KALRN: variants seen among roughly 807,000 people sequenced by gnomAD.
The protein encoded by KALRN is kalirin RhoGEF kinase.
In KALRN, 70 loss-of-function variants were observed where a neutral mutation model predicts 353.7. The observed-to-expected ratio is 0.20, with a 90% CI of 0.16 to 0.24. The LOEUF (loss-of-function observed/expected upper bound fraction) is 0.24. Ranked by LOEUF, KALRN falls within the 10% of genes least tolerant of loss-of-function variation. The pLI, the probability that KALRN is intolerant of heterozygous loss-of-function variation, is 1.00. For missense variants in KALRN, 2,791 were observed against 3,756.7 expected (o/e 0.74, Z 6.72); for synonymous variants, 1,391 against 1,434.8 (o/e 0.97, Z 0.69).
chr3:124,103,372 G>A (rs1321013396), intron 1 of KALRN, among the ~76,000 whole-genome samples: 1 of 152,128 alleles, frequency 6.6e-6, no homozygotes, highest in African/African-American at 2.4e-5. Flanking sequence ...CTGTTCTGTG[G>A]TGGCATACTC....
chr3:124,240,262 G>A (rs1264700328), intron 3 of KALRN, among the ~76,000 whole-genome samples: 1 of 152,178 alleles, frequency 6.6e-6, no homozygotes, highest in East Asian at 1.9e-4. Flanking sequence ...AGGATGAAGA[G>A]GCATCTTAGT....
intron 9 of KALRN, among the ~76,000 whole-genome samples, chr3:124,338,025 CTTT>C (rs1201890607): frequency 6.6e-6 from 1 of 152,114 alleles, no homozygotes; most frequent in Admixed American, 6.5e-5. Flanking sequence ...ATTCTTCTCT[CTTT>C]TTTTCTTTAT....
chr3:124,288,871 G>A (rs1481647292), intron 5 of KALRN, among the ~76,000 whole-genome samples: 2 of 152,178 alleles, frequency 1.3e-5, no homozygotes, highest in South Asian at 2.1e-4. Flanking sequence ...GAAGATGTGG[G>A]AAGGCAGGAA....
At chr3:124,449,795 A>G (rs999895003) in intron 21 of KALRN, among the ~76,000 whole-genome samples, 7 of 152,222 alleles carry the variant, frequency 4.6e-5, no homozygotes, top group African/African-American at 1.2e-4. Context: ...GAATCATACA[A>G]TATGAGATCT....
At chr3:124,332,356 G>T (rs1051651950) in intron 8 of KALRN, among the ~76,000 whole-genome samples, 2 of 152,110 alleles carry the variant, frequency 1.3e-5, no homozygotes, top group African/African-American at 4.8e-5. Flanking sequence ...ATCATCAGAG[G>T]TGTGGAGATG....
At chr3:124,561,773 C>G (rs79470403) in intron 33 of KALRN, among the ~76,000 whole-genome samples, 4 of 152,182 alleles carry the variant, frequency 2.6e-5, no homozygotes, top group African/African-American at 9.7e-5. Context: ...AACAGGCTAC[C>G]AAGCTGGGCC....
At chr3:124,206,247 C>T (rs1012809719) in intron 1 of KALRN, among the ~76,000 whole-genome samples, 6 of 152,164 alleles carry the variant, frequency 3.9e-5, no homozygotes, top group African/African-American at 1.4e-4. Context: ...TAGCTTTGCT[C>T]ATAGGGCCTC....
intron 34 of KALRN, among the ~76,000 whole-genome samples, chr3:124,582,629 GAT>G (rs984161984): frequency 4.6e-5 from 7 of 152,184 alleles, no homozygotes; most frequent in African/African-American, 1.7e-4. Context: ...GGATAAATGA[GAT>G]AGTATATGGA....
Position 124,439,047 on chromosome 3 carries a change from C to T in KALRN, c.3198+10C>T, listed in dbSNP as rs578233004. 88 of 1,613,240 alleles carry T rather than the reference C, an allele frequency of 5.5e-5. 1 individual carries two copies. The South Asian group carries it at 9.0e-4, about 17-fold the overall frequency. On this transcript the variant is annotated intron_variant, in intron 18 of 59. Coordinates refer to ENST00000682506, the MANE Select transcript of KALRN (RefSeq NM_001388419.1). ...GGAGGCCTTTCTTAAGGTCAGAGCA[C>T]ATTGTCATGCAAGGGCTCAGACTCC...
At chr3:124,580,063 C>T (rs1256848708) in intron 34 of KALRN, among the ~76,000 whole-genome samples, 1 of 152,200 alleles carries the variant, frequency 6.6e-6, no homozygotes, top group African/African-American at 2.4e-5. Flanking sequence ...GTCCGAATCT[C>T]GAGTAGGTCT....
intron 34 of KALRN, among the ~76,000 whole-genome samples, chr3:124,629,802 C>T (rs34030898): frequency 0.41 from 53,042 of 128,656 alleles, 10,178 homozygotes; most frequent in East Asian, 0.68. Flanking sequence ...CATTTTTTCT[C>T]TCTCTCTCTC....
At chr3:124,699,189 C>T (rs755877169) in intron 55 of KALRN, among the ~76,000 whole-genome samples, 3 of 152,140 alleles carry the variant, frequency 2.0e-5, no homozygotes, top group Non-Finnish European at 2.9e-5. Flanking sequence ...CAGGTTAGCA[C>T]AAAAGTATTA....
intron 1 of KALRN, among the ~76,000 whole-genome samples, chr3:124,167,731 G>A (rs1560129579): frequency 6.6e-6 from 1 of 152,236 alleles, no homozygotes; most frequent in Non-Finnish European, 1.5e-5. Flanking sequence ...GGATGCCATA[G>A]AGTGTGTTCT....
chr3:124,163,957 A>G, intron 1 of KALRN: 1 of 985,432 alleles, frequency 1.0e-6, no homozygotes, highest in Non-Finnish European at 1.2e-6. Context: ...GTCCAGCTTG[A>G]ATCTAACCTT....
At chr3:124,341,691 G>A (rs1452461713) in intron 9 of KALRN, among the ~76,000 whole-genome samples, 1 of 152,154 alleles carries the variant, frequency 6.6e-6, no homozygotes. Context: ...CATGTATTAA[G>A]CAACTACTCT....
At chr3:124,108,513 C>T (rs1454026476) in intron 1 of KALRN, among the ~76,000 whole-genome samples, 1 of 152,216 alleles carries the variant, frequency 6.6e-6, no homozygotes, top group African/African-American at 2.4e-5. Flanking sequence ...TTAGATTGTA[C>T]TTCTCTACAT....
At chr3:124,222,431 G>C (rs2014321) in intron 1 of KALRN, among the ~76,000 whole-genome samples, 3 of 152,242 alleles carry the variant, frequency 2.0e-5, no homozygotes, top group African/African-American at 7.2e-5. Context: ...GTAGGGGCCA[G>C]AGGGGTGATG....
At chr3:124,341,652 G>A (rs2081730304) in intron 9 of KALRN, among the ~76,000 whole-genome samples, 1 of 152,182 alleles carries the variant, frequency 6.6e-6, no homozygotes, top group Non-Finnish European at 1.5e-5. Context: ...CTGCATTAGA[G>A]GGGTCAGTTT....
chr3:124,688,194 C>T (rs749283397), intron 51 of KALRN, among the ~76,000 whole-genome samples: 1 of 151,826 alleles, frequency 6.6e-6, no homozygotes, highest in Non-Finnish European at 1.5e-5. Flanking sequence ...CACCTGTAGT[C>T]GCAGCTCCTC....
Sources: allele counts gnomAD v4.1 joint callset (sites outside exome capture counted in the v4.1 genomes callset), GRCh38; gene constraint gnomAD v4.1.1; transcripts MANE v1.5; gene names NCBI Gene and HGNC (gene_info 2026-07-23, HGNC 2026-07-21).